The following TOP1 variants were observed in gnomAD, a reference collection of about 807,000 sequenced individuals.
TOP1 encodes the protein DNA topoisomerase I, also known as DNA topoisomerase 1.
TOP1 carries 10 observed loss-of-function variants against 111.1 expected under a neutral mutation model. The observed-to-expected ratio is 0.09, with a 90% confidence interval of 0.06 to 0.15. The LOEUF is 0.15. TOP1 is among the 10% of genes least tolerant of loss of function. The pLI is 1.00. For synonymous variants in TOP1, 271 were observed against 302.9 expected, an observed-to-expected ratio of 0.89 and a Z score of 1.10; for missense variants, 474 against 926.7, an observed-to-expected ratio of 0.51 and a Z score of 6.34.
rs1324892015 is a variant in TOP1, at chr20:41,097,474, G to A, written c.852+133G>A. 12 of 918,746 alleles carry A rather than the reference G, an allele frequency of 1.3e-5. No individual in the cohort carries two copies. The highest frequency in any genetic ancestry group is 2.7e-5 in the East Asian group (1 of 37,090). The allele number at this position is 918,746 out of a possible 1,614,324, so 56.9% of individuals were successfully genotyped here. A position where few individuals can be genotyped will look rare whatever the true frequency, so the allele number is the denominator to read the frequency against. ...TGGATTTTGTTGTATTTAAACTTGC[G>A]TATTTTTTGTCTTCATTTACTATAT... On this transcript the variant is annotated intron_variant, in intron 10 of 20. Coordinates refer to ENST00000361337, the MANE Select transcript of TOP1 (RefSeq NM_003286.4). This position sits in a 1 kb window ranked among gnomAD's most constrained non-coding sequence, Gnocchi z 4.2.
At chr20:41,104,000 G>A (rs1483409264) in intron 13 of TOP1, among the ~76,000 whole-genome samples, 1 of 152,144 alleles carries the variant, frequency 6.6e-6, no homozygotes, top group Non-Finnish European at 1.5e-5. Flanking sequence ...TATAATGCCT[G>A]TAAATCTTGC....
intron 3 of TOP1, among the ~76,000 whole-genome samples, chr20:41,070,155 C>A (rs2033653742): frequency 1.3e-5 from 2 of 152,142 alleles, no homozygotes; most frequent in Non-Finnish European, 2.9e-5. Context: ...TAAGACTTAG[C>A]TACAAATGAC....
chr20:41,029,830 C>CTCG lies in TOP1; in HGVS notation c.58+376_58+378dup. On this transcript the variant is annotated intron_variant, in intron 2 of 20. Transcript: ENST00000361337. The surrounding 1 kb of genome is among the most constrained non-coding windows in gnomAD (Gnocchi z 6.1). ...TGCCTGTGTCTCTTTCTCTCCCTCC[C>CTCG]TCGGCTCTTTCCTTGAGCTGCCCAG... 1 of 304,388 alleles carries CTCG rather than the reference C, an allele frequency of 3.3e-6. No homozygotes were observed. 18.9% of individuals were successfully genotyped at this position (304,388 alleles called of 1,614,324 possible). A position where few individuals can be genotyped will look rare whatever the true frequency, so the allele number is the denominator to read the frequency against.
chr20:41,052,655 T>C (rs1391974653), intron 2 of TOP1, among the ~76,000 whole-genome samples: 1 of 152,206 alleles, frequency 6.6e-6, no homozygotes, highest in East Asian at 1.9e-4. Flanking sequence ...ACTAGGACTC[T>C]AGAGTTACAA....
At position 41,114,586 on chromosome 20, in the gene TOP1, GC is replaced by G. The variant is rs1447917663; in HGVS notation, c.1638+434del. On this transcript the variant is annotated intron_variant, in intron 15 of 20. Transcript: ENST00000361337. The surrounding 1 kb of genome is among the most constrained non-coding windows in gnomAD (Gnocchi z 4.5). ...TTCAATGGAGCATGCTGTAGAATAGGCCCTTAGAGCAAACTCAGCATATGAT... is the reference window on the plus strand; with the variant it reads ...TTCAATGGAGCATGCTGTAGAATAGGCCTTAGAGCAAACTCAGCATATGAT... Among the ~76,000 whole-genome samples the G allele has an allele frequency of 6.6e-6, 1 of 152,158 alleles. No homozygotes were observed. The highest frequency in any genetic ancestry group is 1.5e-5 in the Non-Finnish European group (1 of 68,024).
intron 14 of TOP1, 131 bp from the exon 15 acceptor site, chr20:41,113,839 C>A: frequency 3.1e-6 from 2 of 645,426 alleles, no homozygotes; most frequent in Non-Finnish European, 4.9e-6. Flanking sequence ...GCCAAAATTG[C>A]GCCATTGCAC....
intron 8 of TOP1, among the ~76,000 whole-genome samples, chr20:41,090,382 T>A (rs2033905338): frequency 6.6e-6 from 1 of 152,246 alleles, no homozygotes; most frequent in Non-Finnish European, 1.5e-5. Context: ...TGTTTATATA[T>A]TTTGTATGTT....
Position 41,029,197 on chromosome 20 carries a change from T to G in TOP1, c.33+97T>G, listed in dbSNP as rs2122577710. Reference sequence around the variant, plus strand: ...GACCCCAGCCCCGGCCCGGCAGCTTTGACAGGCCGGAGCCCCCGGTGAGGG... The same window carrying G: ...GACCCCAGCCCCGGCCCGGCAGCTTGGACAGGCCGGAGCCCCCGGTGAGGG... On this transcript the variant is annotated intron_variant, in intron 1 of 20. Transcript: ENST00000361337. This position sits in a 1 kb window ranked among gnomAD's most constrained non-coding sequence, Gnocchi z 6.1. 2.9e-6 allele frequency: 3 copies of G among 1,050,306 alleles called. No homozygotes were observed. In the Admixed American group the frequency reaches 1.3e-4, roughly 44 times the overall value. The allele number at this position is 1,050,306 out of a possible 1,614,324, so 65.1% of individuals were successfully genotyped here. A position where few individuals can be genotyped will look rare whatever the true frequency, so the allele number is the denominator to read the frequency against.
At chr20:41,037,081 C>T (rs962953211) in intron 2 of TOP1, among the ~76,000 whole-genome samples, 4 of 152,068 alleles carry the variant, frequency 2.6e-5, no homozygotes, top group Non-Finnish European at 4.4e-5. Flanking sequence ...CCACCAGCCT[C>T]GGCCTCCCAA....
intron 2 of TOP1, among the ~76,000 whole-genome samples, chr20:41,053,378 G>C (rs2033429661): frequency 6.6e-6 from 1 of 152,054 alleles, no homozygotes; most frequent in Non-Finnish European, 1.5e-5. Flanking sequence ...GGTGGAACCG[G>C]GCTGTTTTAT....
chr20:41,123,055 AG>A lies in TOP1; in HGVS notation c.2196-139del. On this transcript the variant is annotated intron_variant, in intron 20 of 20. Transcript: ENST00000361337. The surrounding 1 kb of genome is among the most constrained non-coding windows in gnomAD (Gnocchi z 5.8). ...AATGAGTTGATCACATAAAACCTTT[AG>A]AACATGCTTGGTGCACTATTAATTT... 1 of 613,248 alleles carries A rather than the reference AG, an allele frequency of 1.6e-6. No homozygotes were observed. Among genetic ancestry groups the A allele is most frequent in the Non-Finnish European group, 2.9e-6 (1 of 339,756 alleles). 38.0% of individuals were successfully genotyped at this position (613,248 alleles called of 1,614,324 possible). A position where few individuals can be genotyped will look rare whatever the true frequency, so the allele number is the denominator to read the frequency against.
At position 41,109,359 on chromosome 20, in the gene TOP1, G is replaced by A. The variant is rs1438815947; in HGVS notation, c.1309-3423G>A. On this transcript the variant is annotated intron_variant, in intron 13 of 20. Coordinates refer to ENST00000361337, the MANE Select transcript of TOP1 (RefSeq NM_003286.4). The surrounding 1 kb of genome is among the most constrained non-coding windows in gnomAD (Gnocchi z 4.1). ...AGACTAACATAGACCTAAGTGTGAA[G>A]ACTAAAATATTAAAGCTTGTAGGTG... 6.6e-6 allele frequency among the ~76,000 whole-genome samples: 1 copy of A among 152,106 alleles called. No homozygotes were observed. The highest frequency in any genetic ancestry group is 2.4e-5 in the African/African-American group (1 of 41,402).
chr20:41,074,855 G>A (rs973296946), intron 3 of TOP1, among the ~76,000 whole-genome samples: 2 of 152,178 alleles, frequency 1.3e-5, no homozygotes, highest in African/African-American at 4.8e-5. Flanking sequence ...CTGTCCCAGT[G>A]TACTGAAAAA....
Position 41,030,479 on chromosome 20 carries a change from T to G in TOP1, c.58+1024T>G, listed in dbSNP as rs2033104919. ...TTTTCAGGAATCAAGAACTGGCTTT[T>G]TTTTTTTTTCCCAATTCTTTATGTT... On this transcript the variant is annotated intron_variant, in intron 2 of 20. Coordinates refer to ENST00000361337, the MANE Select transcript of TOP1 (RefSeq NM_003286.4). The surrounding 1 kb of genome is among the most constrained non-coding windows in gnomAD (Gnocchi z 4.1). Among the ~76,000 whole-genome samples, 2 of 152,330 alleles carry G rather than the reference T, an allele frequency of 1.3e-5. No homozygotes were observed. Among genetic ancestry groups the G allele is most frequent in the South Asian group, 4.1e-4 (2 of 4,828 alleles).
intron 2 of TOP1, among the ~76,000 whole-genome samples, chr20:41,041,903 GATGATTATT>G (rs1057418142): frequency 9.4e-5 from 14 of 149,406 alleles, no homozygotes; most frequent in African/African-American, 3.6e-4. Context: ...TGATGATGAT[GATGATTATT>G]ATTATTATTA....
chr20:41,092,090 C>T lies in TOP1; in HGVS notation c.615-382C>T, dbSNP rs572347199. 6.6e-6 allele frequency among the ~76,000 whole-genome samples: 1 copy of T among 152,304 alleles called. No homozygotes were observed. The highest frequency in any genetic ancestry group is 2.4e-5 in the African/African-American group (1 of 41,548). On this transcript the variant is annotated intron_variant, in intron 8 of 20. Transcript: ENST00000361337. This position sits in a 1 kb window ranked among gnomAD's most constrained non-coding sequence, Gnocchi z 4.3. ...CTACCTTCCATCTGACGTCACCACT[C>T]TGAGGAGGCCTTTTCCTTACAAACA...
intron 3 of TOP1, chr20:41,073,039 T>C (rs1009249808): frequency 2.0e-6 from 2 of 985,270 alleles, no homozygotes; most frequent in African/African-American, 3.5e-5. Flanking sequence ...CTCTTTCTGG[T>C]TAGCAGGCAG....
At position 41,028,840 on chromosome 20, in the gene TOP1, G is replaced by C; in HGVS notation, c.-228G>C. 1 of 530,702 alleles carries C rather than the reference G, an allele frequency of 1.9e-6. No homozygotes were observed. The highest frequency in any genetic ancestry group is 3.5e-5 in the East Asian group (1 of 28,450). 32.9% of individuals were successfully genotyped at this position (530,702 alleles called of 1,614,324 possible). ...GTGAGCCCAAATGCGAACTTAGGCTGTTACACAACTGCTGGGGTCTGTTCT... is the reference window on the plus strand; with the variant it reads ...GTGAGCCCAAATGCGAACTTAGGCTCTTACACAACTGCTGGGGTCTGTTCT... On this transcript the variant is annotated 5_prime_UTR_variant, in exon 1 of 21. Transcript: ENST00000361337.
rs2033541616 is a variant in TOP1, at chr20:41,061,322, C to G, written c.59-72C>G. 7.1e-7 allele frequency: 1 copy of G among 1,404,270 alleles called. No individual in the cohort carries two copies. The highest frequency in any genetic ancestry group is 1.0e-6 in the Non-Finnish European group (1 of 1,004,080). The allele number at this position is 1,404,270 out of a possible 1,614,324, so 87.0% of individuals were successfully genotyped here. On this transcript the variant is annotated intron_variant, in intron 2 of 20. Coordinates refer to ENST00000361337, the MANE Select transcript of TOP1 (RefSeq NM_003286.4). This position sits in a 1 kb window ranked among gnomAD's most constrained non-coding sequence, Gnocchi z 4.6. ...GAATCCTGTCATTGTACTTCTTGAC[C>G]AGCTTGTCAAGGTAGGCATACAGAA...
Sources: allele counts gnomAD v4.1 joint callset (sites outside exome capture counted in the v4.1 genomes callset), GRCh38; gene constraint gnomAD v4.1.1; non-coding constraint Gnocchi (gnomAD v3.1); transcripts MANE v1.5; gene names NCBI Gene and HGNC (gene_info 2026-07-23, HGNC 2026-07-21).